Variants in ANKFN1 observed in about 807,000 individuals in gnomAD.
The protein encoded by ANKFN1 is ankyrin repeat and fibronectin type III domain containing 1, also known as ankyrin repeat and fibronectin type-III domain-containing protein 1.
Under a neutral mutation model 108.7 loss-of-function variants are expected in ANKFN1, and 74 were observed. The ratio of observed to expected loss-of-function variants is 0.68; its 90% CI spans 0.56 to 0.83. The LOEUF (loss-of-function observed/expected upper bound fraction) is 0.83. Among genes scored for constraint, ANKFN1 ranks in the 40% least tolerant of loss-of-function variants. ANKFN1 has a pLI of 0.00. For synonymous variants in ANKFN1, 547 were observed against 516.2 expected (o/e 1.06, Z -0.81); for missense variants, 1,505 against 1,382.3 (o/e 1.09, Z -1.41).
chr17:56,071,751 G>C (rs1412405162), intron 4 of ANKFN1, among the ~76,000 whole-genome samples: 4 of 152,190 alleles, frequency 2.6e-5, no homozygotes, highest in Non-Finnish European at 5.9e-5. Flanking sequence ...GTCTTCACCT[G>C]GCTTTGGGAA....
At chr17:56,389,777 T>C (rs2047376239) in intron 8 of ANKFN1, among the ~76,000 whole-genome samples, 1 of 152,212 alleles carries the variant, frequency 6.6e-6, no homozygotes, top group Non-Finnish European at 1.5e-5. Context: ...GTTTTTGGAA[T>C]ATGTGAGTTT....
chr17:56,440,512 G>C, intron 9 of ANKFN1, 88 bp downstream of exon 9: 2 of 1,026,524 alleles, frequency 1.9e-6, no homozygotes, highest in South Asian at 2.8e-5. Flanking sequence ...GAAAGCAACA[G>C]CCAACGCCCA....
At position 56,085,871 on chromosome 17, in the gene ANKFN1, G is replaced by A. The variant is rs1905306945; in HGVS notation, c.288+39546G>A. ...CTCAAGCTTGTAAGCAGGCTGTGAT[G>A]AACAAATTGGATCGATTAAATTCTT... On this transcript the variant is annotated intron_variant, in intron 4 of 12. Transcript: ENST00000635860. 1.3e-5 allele frequency among the ~76,000 whole-genome samples: 2 copies of A among 151,260 alleles called. 1 individual carries two copies. The highest frequency in any genetic ancestry group is 3.0e-5 in the Non-Finnish European group (2 of 67,734).
chr17:56,234,854 C>T (rs936125575), intron 3 of ANKFN1, among the ~76,000 whole-genome samples: 1 of 152,092 alleles, frequency 6.6e-6, no homozygotes, highest in Non-Finnish European at 1.5e-5. Flanking sequence ...TTACATTCCT[C>T]TGGGTATGTA....
intron 3 of ANKFN1, among the ~76,000 whole-genome samples, chr17:56,284,602 G>A (rs1249684557): frequency 1.3e-5 from 2 of 152,152 alleles, no homozygotes; most frequent in South Asian, 4.1e-4. Flanking sequence ...GCTATGTGAG[G>A]TCAATAACAT....
chr17:56,333,034 G>A (rs914120482), intron 4 of ANKFN1, among the ~76,000 whole-genome samples: 2 of 150,504 alleles, frequency 1.3e-5, no homozygotes, highest in East Asian at 3.9e-4. Flanking sequence ...ATCATGTCAT[G>A]TTCAGCATCC....
chr17:56,421,676 C>G (rs1693364605), intron 8 of ANKFN1, among the ~76,000 whole-genome samples: 1 of 152,130 alleles, frequency 6.6e-6, no homozygotes, highest in East Asian at 1.9e-4. Context: ...TCCACAGACT[C>G]CAGATTAAGA....
intron 14 of ANKFN1, among the ~76,000 whole-genome samples, chr17:56,462,390 T>G (rs949344634): frequency 6.6e-6 from 1 of 152,160 alleles, no homozygotes; most frequent in South Asian, 2.1e-4. Flanking sequence ...TGGTCGGGAG[T>G]TCGAGACCAG....
Position 56,510,795 on chromosome 17 carries a change from T to C in ANKFN1, c.2967T>C (p.Gly989=). 1 of 1,536,106 alleles carries C rather than the reference T, an allele frequency of 6.5e-7. No individual in the cohort carries two copies. Among genetic ancestry groups the C allele is most frequent in the African/African-American group, 1.4e-5 (1 of 73,182 alleles). ...TPKNHAKTVS[G]GRPPLGFLGK... The stretch of plus-strand genomic sequence containing the variant: ...AGAACCACGCCAAGACTGTGTCCGG[T>C]GGGCGGCCCCCGCTAGGCTTCCTGG... Residue 989 remains glycine, a synonymous_variant, in exon 21 of 21, where the codon GGT becomes GGC. Coordinates refer to ENST00000682825, the MANE Select transcript of ANKFN1 (RefSeq NM_001370326.1).
rs530325242 is a variant in ANKFN1, at chr17:56,458,274, C to T, written c.1557+295C>T. Among the ~76,000 whole-genome samples the T allele has an allele frequency of 2.6e-5, 4 of 152,172 alleles. No individual in the cohort carries two copies. In the East Asian group the frequency reaches 7.7e-4, roughly 29 times the overall value. On this transcript the variant is annotated intron_variant, in intron 14 of 20. Transcript: ENST00000682825. ...GAGTTCTAGATTTGATATTAGTCAG[C>T]CGACTCAGTTCTCCTCTCTGGGCCC...
rs566536643 is a variant in ANKFN1, at chr17:56,082,813, A to G, written c.288+36488A>G. The stretch of plus-strand genomic sequence containing the variant: ...TAGATGTTAGATGTACCGTTCAGTG[A>G]ACTTGGTCCAATGGAGGACAACCAG... On this transcript the variant is annotated intron_variant, in intron 4 of 12. Coordinates refer to the ANKFN1 transcript ENST00000635860. Among the ~76,000 whole-genome samples, 80 of 151,812 alleles carry G rather than the reference A, an allele frequency of 5.3e-4. 4 individuals carry two copies. Among genetic ancestry groups the G allele is most frequent in the Non-Finnish European group, 9.0e-4 (61 of 67,850 alleles).
intron 4 of ANKFN1, among the ~76,000 whole-genome samples, chr17:56,326,890 AT>A (rs987081102): frequency 2.0e-5 from 3 of 152,190 alleles, no homozygotes; most frequent in African/African-American, 4.8e-5. Context: ...CATAAATAAC[AT>A]TATGACTGTG....
Position 56,083,873 on chromosome 17 carries a change from A to G in ANKFN1, c.288+37548A>G, listed in dbSNP as rs140666090. Among the ~76,000 whole-genome samples, 11 of 151,578 alleles carry G rather than the reference A, an allele frequency of 7.3e-5. 1 individual carries two copies. The highest frequency in any genetic ancestry group is 1.5e-4 in the Non-Finnish European group (10 of 67,782). On this transcript the variant is annotated intron_variant, in intron 4 of 12. Coordinates refer to the ANKFN1 transcript ENST00000635860. ...CCTATTCTTGAGTAGTCATCTTACA[A>G]CAATGTAAATGACATGCTTAGCTGA...
chr17:56,178,191 A>C (rs1911350464), intron 1 of ANKFN1, among the ~76,000 whole-genome samples: 1 of 152,182 alleles, frequency 6.6e-6, no homozygotes, highest in African/African-American at 2.4e-5. Context: ...GGCCTGGATT[A>C]AACTCTGATG....
At chr17:56,498,842 T>C in intron 19 of ANKFN1, 40 bp from the exon 20 acceptor site, 1 of 1,489,064 alleles carries the variant, frequency 6.7e-7, no homozygotes, top group Non-Finnish European at 9.1e-7. Context: ...TTTTAATCAC[T>C]GCTTGATAAC....
chr17:56,176,596 A>C (rs1171735850), intron 1 of ANKFN1, among the ~76,000 whole-genome samples: 1 of 152,146 alleles, frequency 6.6e-6, no homozygotes, highest in African/African-American at 2.4e-5. Context: ...CCTTATTTCG[A>C]ATATCGTTGG....
At chr17:56,163,017 G>A (rs900927595) in intron 1 of ANKFN1, among the ~76,000 whole-genome samples, 3 of 149,258 alleles carry the variant, frequency 2.0e-5, no homozygotes, top group African/African-American at 4.9e-5. Flanking sequence ...CCTGGGTGAC[G>A]AGAGTGAGAC....
chr17:56,081,910 G>A (rs9910889), intron 4 of ANKFN1, among the ~76,000 whole-genome samples: 90,616 of 152,092 alleles, frequency 0.6, 27,870 homozygotes, highest in Middle Eastern at 0.69. Flanking sequence ...CTTAGTGGGC[G>A]TGTGTGAGCC....
At chr17:56,255,534 C>G (rs1035831514) in intron 3 of ANKFN1, among the ~76,000 whole-genome samples, 2 of 152,026 alleles carry the variant, frequency 1.3e-5, no homozygotes, top group African/African-American at 2.4e-5. Flanking sequence ...TTCCTTGGCC[C>G]CATAAAGAAG....
Sources: gnomAD v4.1 joint callset for allele counts (sites outside exome capture counted in the v4.1 genomes callset) on GRCh38, gnomAD v4.1.1 for gene constraint, MANE v1.5 for transcripts, NCBI Gene and HGNC (gene_info 2026-07-23, HGNC 2026-07-21) for gene names.